The following BICD1 variants were observed in gnomAD, a reference collection of about 807,000 sequenced individuals.
The protein encoded by BICD1 is protein bicaudal D homolog 1.
A neutral mutation model predicts 92.5 loss-of-function variants in BICD1; 35 were observed. That is an observed-to-expected ratio of 0.38 (90% confidence interval 0.29 to 0.50). BICD1 has a LOEUF of 0.50. Ranked by LOEUF, BICD1 falls within the 20% of genes least tolerant of loss-of-function variation. BICD1 has a pLI of 0.93. For synonymous variants in BICD1, 429 were observed against 465.1 expected (o/e 0.92, Z 1.00); for missense variants, 950 against 1,189.8 (o/e 0.80, Z 2.97).
chr12:32,237,866 A>T (rs1946118202), intron 2 of BICD1, among the ~76,000 whole-genome samples: 1 of 152,244 alleles, frequency 6.6e-6, no homozygotes, highest in African/African-American at 2.4e-5. Context: ...CACAACATCC[A>T]CTGGGCAGCC....
At chr12:32,194,224 G>A (rs551537520) in intron 1 of BICD1, among the ~76,000 whole-genome samples, 10 of 152,228 alleles carry the variant, frequency 6.6e-5, no homozygotes, top group Non-Finnish European at 8.8e-5. Flanking sequence ...GGCCATATAT[G>A]ACAAGCTCAC....
At chr12:32,304,814 TC>T (rs1948167987) in intron 3 of BICD1, among the ~76,000 whole-genome samples, 1 of 151,824 alleles carries the variant, frequency 6.6e-6, no homozygotes, top group Non-Finnish European at 1.5e-5. Context: ...GCCCAGGAGT[TC>T]AAGAGCAGCC....
intron 1 of BICD1, among the ~76,000 whole-genome samples, chr12:32,127,659 T>A (rs1942390995): frequency 6.6e-6 from 1 of 152,228 alleles, no homozygotes; most frequent in Non-Finnish European, 1.5e-5. Flanking sequence ...CCTTCCTTGC[T>A]GTCATAGGCT....
chr12:32,177,119 A>C (rs1451860864), intron 1 of BICD1, among the ~76,000 whole-genome samples: 1 of 151,894 alleles, frequency 6.6e-6, no homozygotes, highest in Non-Finnish European at 1.5e-5. Flanking sequence ...GTTCAAGACC[A>C]GCCTGGCCAA....
At chr12:32,139,852 T>G (rs1143899) in intron 1 of BICD1, among the ~76,000 whole-genome samples, 128,127 of 152,132 alleles carry the variant, frequency 0.84, 55,124 homozygotes, top group Middle Eastern at 0.96. Flanking sequence ...GAGCCACCGC[T>G]CCTGGCCTGG....
intron 1 of BICD1, among the ~76,000 whole-genome samples, chr12:32,111,092 G>C (rs762031911): frequency 7.2e-5 from 11 of 152,140 alleles, no homozygotes; most frequent in Non-Finnish European, 1.6e-4. Flanking sequence ...CATTACTGAT[G>C]GCATTTTAAA....
chr12:32,107,215 C>T lies in BICD1; in HGVS notation c.-117C>T. The T allele has an allele frequency of 1.0e-6, 1 of 998,250 alleles. No individual in the cohort carries two copies. The allele number at this position is 998,250 out of a possible 1,614,324, so 61.8% of individuals were successfully genotyped here. A position where few individuals can be genotyped will look rare whatever the true frequency, so the allele number is the denominator to read the frequency against. ...GGCATCGCGCTGCTCATTCATCCGGCCGCACTTTCTTTTCCGTTTCCACCC... is the reference window on the plus strand; with the variant it reads ...GGCATCGCGCTGCTCATTCATCCGGTCGCACTTTCTTTTCCGTTTCCACCC... On this transcript the variant is annotated 5_prime_UTR_variant, in exon 1 of 10. Coordinates refer to ENST00000652176, the MANE Select transcript of BICD1 (RefSeq NM_001714.4).
chr12:32,156,864 C>G (rs1269175378), intron 1 of BICD1, among the ~76,000 whole-genome samples: 2 of 152,144 alleles, frequency 1.3e-5, no homozygotes, highest in Non-Finnish European at 2.9e-5. Context: ...TACTAGTGGT[C>G]AAGAAACATT....
Position 32,330,317 on chromosome 12 carries a change from C to T in BICD1, c.2100+1762C>T, listed in dbSNP as rs141489252. On this transcript the variant is annotated intron_variant, in intron 5 of 9. Coordinates refer to ENST00000652176, the MANE Select transcript of BICD1 (RefSeq NM_001714.4). Reference sequence around the variant, plus strand: ...GAAACCATCATTCTCAGCAAACTATCGCAAGGACAAAAAACCGAACACCAC... The same window carrying T: ...GAAACCATCATTCTCAGCAAACTATTGCAAGGACAAAAAACCGAACACCAC... 9.2e-3 allele frequency among the ~76,000 whole-genome samples: 1,397 copies of T among 151,052 alleles called. 24 individuals carry two copies. Among genetic ancestry groups the T allele is most frequent in the African/African-American group, 0.032 (1,324 of 41,102 alleles).
chr12:32,302,880 A>ATTTTTTTTT (rs371035402), intron 3 of BICD1, among the ~76,000 whole-genome samples: 1 of 109,906 alleles, frequency 9.1e-6, no homozygotes, highest in Non-Finnish European at 1.7e-5. Flanking sequence ...TCCAATGACC[A>ATTTTTTTTT]TTTTTTTTTT....
chr12:32,197,618 C>T (rs375258732), intron 1 of BICD1, among the ~76,000 whole-genome samples: 1 of 152,102 alleles, frequency 6.6e-6, no homozygotes, highest in African/African-American at 2.4e-5. Context: ...CCTTGACAAC[C>T]AATTAATATG....
chr12:32,353,075 C>G (rs1008299070), intron 8 of BICD1: 2 of 152,148 alleles, frequency 1.3e-5, no homozygotes, highest in Non-Finnish European at 2.9e-5. Context: ...TTTTTATGCA[C>G]TACTTGACAT....
chr12:32,172,610 C>T (rs1011918966), intron 1 of BICD1, among the ~76,000 whole-genome samples: 1 of 152,150 alleles, frequency 6.6e-6, no homozygotes, highest in Non-Finnish European at 1.5e-5. Context: ...GACTCAGGCC[C>T]TTATGTCACT....
At chr12:32,332,441 G>A in intron 5 of BICD1, 1 of 983,570 alleles carries the variant, frequency 1.0e-6, no homozygotes, top group Non-Finnish European at 1.2e-6. Flanking sequence ...TTTACTTAAG[G>A]ATTTTTTCAT....
intron 2 of BICD1, among the ~76,000 whole-genome samples, chr12:32,271,052 A>T (rs1212625834): frequency 1.3e-5 from 2 of 152,202 alleles, no homozygotes; most frequent in African/African-American, 4.8e-5. Flanking sequence ...CACCAAAAGA[A>T]GATGCTCACA....
intron 1 of BICD1, among the ~76,000 whole-genome samples, chr12:32,199,486 T>C (rs867444075): frequency 6.6e-6 from 1 of 152,100 alleles, no homozygotes; most frequent in Non-Finnish European, 1.5e-5. Context: ...GCAGATGAAC[T>C]GGGGAGGAAG....
At chr12:32,355,652 A>G (rs1380929599) in intron 8 of BICD1, among the ~76,000 whole-genome samples, 1 of 152,034 alleles carries the variant, frequency 6.6e-6, no homozygotes, top group Non-Finnish European at 1.5e-5. Context: ...AAATACAAAA[A>G]TTAGCTGGGC....
chr12:32,107,856 C>G (rs1463756158), intron 1 of BICD1: 2 of 632,944 alleles, frequency 3.2e-6, no homozygotes, highest in Non-Finnish European at 5.7e-6. Flanking sequence ...ATGTATAAAT[C>G]AAACTTCTCA....
At position 32,305,804 on chromosome 12, in the gene BICD1, C is replaced by T. The variant is rs1250120501; in HGVS notation, c.687C>T (p.His229=). 6.2e-7 allele frequency: 1 copy of T among 1,614,178 alleles called. No homozygotes were observed. The highest frequency in any genetic ancestry group is 1.1e-5 in the South Asian group (1 of 91,074). Residue 229 remains histidine, a synonymous_variant, in exon 4 of 10, where the codon CAC becomes CAT. Coordinates refer to ENST00000652176, the MANE Select transcript of BICD1 (RefSeq NM_001714.4). ...DAIRLKEIAE[H]QLEEALETLK... Reference sequence around the variant, plus strand: ...TCCGATTGAAAGAGATTGCTGAGCACCAACTGGAAGAAGCCCTCGAGACTT... The same window carrying T: ...TCCGATTGAAAGAGATTGCTGAGCATCAACTGGAAGAAGCCCTCGAGACTT...
Sources: gnomAD v4.1 joint callset for allele counts (sites outside exome capture counted in the v4.1 genomes callset) on GRCh38, gnomAD v4.1.1 for gene constraint, MANE v1.5 for transcripts, NCBI Gene and HGNC (gene_info 2026-07-23, HGNC 2026-07-21) for gene names.